Variants in GRM7 observed in about 807,000 individuals in gnomAD.
The protein encoded by GRM7 is glutamate metabotropic receptor 7.
Under a neutral mutation model 84.5 loss-of-function variants are expected in GRM7, and 35 were observed. The observed-to-expected ratio is 0.41, with a 90% CI of 0.32 to 0.55. GRM7 has a LOEUF of 0.55. Among genes scored for constraint, GRM7 ranks in the 20% least tolerant of loss-of-function variants. GRM7 has a pLI of 0.19. For synonymous variants in GRM7, 487 were observed against 455.1 expected (o/e 1.07, Z -0.89); for missense variants, 1,003 against 1,194.6 (o/e 0.84, Z 2.36).
chr3:7,708,182 AG>A (rs758011568), intron 9 of GRM7, among the ~76,000 whole-genome samples: 110 of 151,028 alleles, frequency 7.3e-4, no homozygotes, highest in Non-Finnish European at 1.2e-3. Flanking sequence ...CCATCTAGCT[AG>A]GTTTTGGCTT....
chr3:7,276,491 C>T (rs1699062413), intron 2 of GRM7, among the ~76,000 whole-genome samples: 1 of 151,874 alleles, frequency 6.6e-6, no homozygotes, highest in African/African-American at 2.4e-5. Flanking sequence ...AATTATTCTT[C>T]AGTTTACTTT....
chr3:7,603,981 T>C (rs1180982069), intron 8 of GRM7, among the ~76,000 whole-genome samples: 3 of 152,178 alleles, frequency 2.0e-5, no homozygotes, highest in East Asian at 3.9e-4. Context: ...GAGAAGTCAA[T>C]TGGACTTTCT....
chr3:7,192,076 G>A (rs1415888186), intron 2 of GRM7, among the ~76,000 whole-genome samples: 1 of 152,066 alleles, frequency 6.6e-6, no homozygotes, highest in African/African-American at 2.4e-5. Context: ...TGAAGTTTAA[G>A]AATGTAAATT....
intron 2 of GRM7, 150 bp from the exon 3 acceptor site, chr3:7,298,534 C>T: frequency 1.6e-6 from 1 of 625,806 alleles, no homozygotes; most frequent in Non-Finnish European, 2.8e-6. Flanking sequence ...CAGGACTCAG[C>T]ATGGTGTCTT....
intron 9 of GRM7, among the ~76,000 whole-genome samples, chr3:7,704,954 G>C (rs1039665361): frequency 2.6e-5 from 4 of 152,116 alleles, no homozygotes; most frequent in Non-Finnish European, 4.4e-5. Context: ...AGAAAACCTG[G>C]GACAAATCAC....
chr3:7,364,933 C>G (rs768142025), intron 4 of GRM7, among the ~76,000 whole-genome samples: 3 of 151,842 alleles, frequency 2.0e-5, no homozygotes, highest in South Asian at 2.1e-4. Context: ...CTGGTTCGCT[C>G]TCTTTTCTCC....
At chr3:7,719,131 T>A (rs985090902) in intron 9 of GRM7, among the ~76,000 whole-genome samples, 8 of 152,154 alleles carry the variant, frequency 5.3e-5, no homozygotes, top group Admixed American at 5.2e-4. Context: ...GAACGCTATT[T>A]GGAAGTACTT....
At chr3:7,646,243 G>A (rs1698631226) in intron 8 of GRM7, among the ~76,000 whole-genome samples, 1 of 152,140 alleles carries the variant, frequency 6.6e-6, no homozygotes, top group Non-Finnish European at 1.5e-5. Flanking sequence ...CCAGGCTGGA[G>A]TAAAGTGGTG....
At chr3:7,589,451 G>A (rs1695678205) in intron 8 of GRM7, among the ~76,000 whole-genome samples, 1 of 152,174 alleles carries the variant, frequency 6.6e-6, no homozygotes, top group African/African-American at 2.4e-5. Context: ...ACATTACCCA[G>A]TTACAATGTA....
At chr3:7,595,993 G>A (rs1349972827) in intron 8 of GRM7, among the ~76,000 whole-genome samples, 2 of 152,164 alleles carry the variant, frequency 1.3e-5, no homozygotes, top group South Asian at 4.1e-4. Context: ...ACAGACTCTA[G>A]GGGTGAAAGT....
At chr3:6,895,808 A>T (rs768939556) in intron 1 of GRM7, among the ~76,000 whole-genome samples, 21 of 152,224 alleles carry the variant, frequency 1.4e-4, no homozygotes, top group Non-Finnish European at 2.8e-4. Context: ...TGATAGCTTC[A>T]TGATTACAAC....
chr3:7,275,656 G>A (rs1048598912), intron 2 of GRM7, among the ~76,000 whole-genome samples: 2 of 152,042 alleles, frequency 1.3e-5, no homozygotes, highest in Admixed American at 1.3e-4. Flanking sequence ...ATAAAACCCC[G>A]GCAAGTTAGG....
At chr3:6,951,936 A>G (rs895440148) in intron 1 of GRM7, among the ~76,000 whole-genome samples, 1 of 152,334 alleles carries the variant, frequency 6.6e-6, no homozygotes, top group East Asian at 1.9e-4. Flanking sequence ...CTTTATCATT[A>G]TGAAATGATT....
chr3:7,593,636 G>T (rs1396348633), intron 8 of GRM7, among the ~76,000 whole-genome samples: 13 of 152,134 alleles, frequency 8.5e-5, no homozygotes, highest in Non-Finnish European at 1.9e-4. Flanking sequence ...CAAGGGAAAA[G>T]GTGCTCAGAG....
chr3:7,155,466 G>A (rs568015019), intron 2 of GRM7, among the ~76,000 whole-genome samples: 1 of 151,850 alleles, frequency 6.6e-6, no homozygotes, highest in East Asian at 1.9e-4. Flanking sequence ...TTAAAACAGA[G>A]GCATGAAAGT....
At chr3:7,404,280 T>A (rs1244715995) in intron 4 of GRM7, among the ~76,000 whole-genome samples, 1 of 152,152 alleles carries the variant, frequency 6.6e-6, no homozygotes, top group Non-Finnish European at 1.5e-5. Flanking sequence ...CATCAGGTCT[T>A]GGCAAGCACT....
At chr3:7,093,581 G>A (rs1389479918) in intron 1 of GRM7, among the ~76,000 whole-genome samples, 2 of 148,002 alleles carry the variant, frequency 1.4e-5, no homozygotes, top group African/African-American at 5.0e-5. Context: ...GGGGGCTGAG[G>A]GAGAAGAATT....
Position 7,153,072 on chromosome 3 carries a change from A to G in GRM7, c.736+6404A>G, listed in dbSNP as rs1172181908. On this transcript the variant is annotated intron_variant, in intron 2 of 9. Coordinates refer to ENST00000357716, the MANE Select transcript of GRM7 (RefSeq NM_000844.4). ...AGCATCAGCTGGGTGCAGTAGAACA[A>G]TCTCCAGCTTCCCTCTTTCAGAAGA... Among the ~76,000 whole-genome samples, 4 of 151,558 alleles carry G rather than the reference A, an allele frequency of 2.6e-5. No individual in the cohort carries two copies. The East Asian group carries it at 7.7e-4, about 29-fold the overall frequency.
chr3:7,342,870 A>G (rs1285923003), intron 4 of GRM7, among the ~76,000 whole-genome samples: 1 of 152,128 alleles, frequency 6.6e-6, no homozygotes, highest in African/African-American at 2.4e-5. Context: ...GTAGCTTTGG[A>G]CAAGTTATTG....
Sources: gnomAD v4.1 joint callset for allele counts (sites outside exome capture counted in the v4.1 genomes callset) on GRCh38, gnomAD v4.1.1 for gene constraint, MANE v1.5 for transcripts, NCBI Gene and HGNC (gene_info 2026-07-23, HGNC 2026-07-21) for gene names.